The following POLE variants were observed in gnomAD, a reference collection of about 807,000 sequenced individuals.
POLE encodes the protein DNA polymerase epsilon, catalytic subunit, also known as DNA polymerase epsilon catalytic subunit A.
A neutral mutation model predicts 279.2 loss-of-function variants in POLE; 188 were observed. The observed-to-expected ratio is 0.67, with a 90% CI of 0.60 to 0.76. The LOEUF (loss-of-function observed/expected upper bound fraction) is 0.76, where lower values mean the gene tolerates loss of function less well. Ranked by LOEUF, POLE falls within the 30% of genes least tolerant of loss-of-function variation. The pLI is 0.00. For synonymous variants in POLE, 1,214 were observed against 1,172.5 expected, an observed-to-expected ratio of 1.04 and a Z score of -0.72; for missense variants, 2,703 against 3,016.7, an observed-to-expected ratio of 0.90 and a Z score of 2.44.
intron 26 of POLE, 117 bp downstream of exon 26, chr12:132,659,176 CAG>C: frequency 9.7e-7 from 1 of 1,036,106 alleles, no homozygotes; most frequent in Non-Finnish European, 1.4e-6. Flanking sequence ...CTCTCCGTGA[CAG>C]GGCAGCCCTC....
At position 132,634,220 on chromosome 12, in the gene POLE, G is replaced by A. The variant is rs780933064; in HGVS notation, c.5970C>T (p.Ala1990=). Residue 1990 remains alanine, a synonymous_variant, in exon 43 of 49, where the codon GCC becomes GCT. Coordinates refer to ENST00000320574, the MANE Select transcript of POLE (RefSeq NM_006231.4). The surrounding 1 kb of genome is among the most constrained non-coding windows in gnomAD (Gnocchi z 4.0). ...TCATGAGGAAGTAGTTCTGGCAGGA[G>A]GCTGCCTGTGGCAAAAACTGCAAAA... The part of the protein sequence containing the change: ...WNILQFLPQA[A]SCQNYFLMIV... 2.5e-6 allele frequency: 4 copies of A among 1,614,004 alleles called. No individual in the cohort carries two copies. In the South Asian group the frequency reaches 4.4e-5, roughly 18 times the overall value.
intron 41 of POLE, among the ~76,000 whole-genome samples, chr12:132,636,941 G>A (rs772733782): frequency 1.6e-4 from 25 of 152,178 alleles, no homozygotes; most frequent in Non-Finnish European, 3.4e-4. Flanking sequence ...CCTGTTTCTC[G>A]ACATGAGCAA....
rs5744973 is a variant in POLE at position 132,638,010 on chromosome 12, G to A, written c.5678+4C>T. 4,143 of 1,613,188 alleles carry A rather than the reference G, an allele frequency of 2.6e-3. 104 individuals carry two copies. In the African/African-American group the frequency reaches 0.045, roughly 18 times the overall value. On this transcript the variant is annotated splice_donor_region_variant and intron_variant, in intron 41 of 48. Transcript: ENST00000320574. ...GCTGCGTCACCAGGACCAGCCAGCCGCACCTGCTGGTGATGTACTCCACGT... is the reference window on the plus strand; with the variant it reads ...GCTGCGTCACCAGGACCAGCCAGCCACACCTGCTGGTGATGTACTCCACGT...
rs115499060 is a variant in POLE, at chr12:132,645,648, A to G, written c.4150-1671T>C. 5.9e-3 allele frequency among the ~76,000 whole-genome samples: 895 copies of G among 152,348 alleles called. 6 individuals are homozygous for G. The highest frequency in any genetic ancestry group is 0.021 in the African/African-American group (857 of 41,574). On this transcript the variant is annotated intron_variant, in intron 32 of 48. Coordinates refer to ENST00000320574, the MANE Select transcript of POLE (RefSeq NM_006231.4). ...CGCTAAAGGATTTTTAAAAATACCCAAAGTCTCAAATATGTAAAATGTCCA... is the reference window on the plus strand; with the variant it reads ...CGCTAAAGGATTTTTAAAAATACCCGAAGTCTCAAATATGTAAAATGTCCA...
chr12:132,661,373 C>T lies in POLE; in HGVS notation c.2864+154G>A, dbSNP rs544052767. Among the ~76,000 whole-genome samples the T allele has an allele frequency of 6.6e-6, 1 of 152,180 alleles. No homozygotes were observed. Among genetic ancestry groups the T allele is most frequent in the Non-Finnish European group, 1.5e-5 (1 of 68,034 alleles). On this transcript the variant is annotated intron_variant, in intron 24 of 48. Coordinates refer to ENST00000320574, the MANE Select transcript of POLE (RefSeq NM_006231.4). The surrounding 1 kb of genome is among the most constrained non-coding windows in gnomAD (Gnocchi z 4.1). ...AGCCACAGAGCCAGAATACAGCAGG[C>T]GGGCAGACAGAGCTGGTGCAAACGG...
At position 132,682,297 on chromosome 12, in the gene POLE, A is replaced by T. The variant is rs1183980367; in HGVS notation, c.63-1018T>A. On this transcript the variant is annotated intron_variant, in intron 1 of 48. Coordinates refer to ENST00000320574, the MANE Select transcript of POLE (RefSeq NM_006231.4). ...CAGCAGAGCGAGACTCCGGCAAAAA[A>T]AAAAAAATAAATAAAAATAAATAAA... 2.2e-3 allele frequency among the ~76,000 whole-genome samples: 160 copies of T among 74,234 alleles called. 2 individuals are homozygous for T. The highest frequency in any genetic ancestry group is 5.1e-3 in the African/African-American group (144 of 27,978). 48.7% of individuals were successfully genotyped at this position (74,234 alleles called of 152,430 possible).
chr12:132,647,457 A>G (rs1421068738), intron 32 of POLE, among the ~76,000 whole-genome samples: 1 of 152,176 alleles, frequency 6.6e-6, no homozygotes, highest in East Asian at 1.9e-4. Context: ...TTAAAAAAAA[A>G]AAAAGCGTAT....
intron 1 of POLE, among the ~76,000 whole-genome samples, chr12:132,684,089 A>C (rs1411115705): frequency 1.8e-5 from 2 of 113,826 alleles, no homozygotes; most frequent in Non-Finnish European, 3.5e-5. Flanking sequence ...GCTCTCATTC[A>C]CAGAGAGCTA....
At position 132,637,998 on chromosome 12, in the gene POLE, G is replaced by A. The variant is rs2138499566; in HGVS notation, c.5678+16C>T. The A allele has an allele frequency of 6.2e-7, 1 of 1,613,128 alleles. No homozygotes were observed. Among genetic ancestry groups the A allele is most frequent in the East Asian group, 2.2e-5 (1 of 44,834 alleles). ...CAAAGCCACAGTGCTGCGTCACCAGGACCAGCCAGCCGCACCTGCTGGTGA... is the reference window on the plus strand; with the variant it reads ...CAAAGCCACAGTGCTGCGTCACCAGAACCAGCCAGCCGCACCTGCTGGTGA... On this transcript the variant is annotated intron_variant, in intron 41 of 48. Transcript: ENST00000320574.
At chr12:132,628,319 G>A (rs1329491461) in intron 45 of POLE, among the ~76,000 whole-genome samples, 3 of 151,592 alleles carry the variant, frequency 2.0e-5, no homozygotes, top group East Asian at 2.0e-4. Context: ...CAGCCTGGGC[G>A]AGAGTGCGAG....
At chr12:132,641,242 T>C (rs966408550) in intron 39 of POLE, 9 of 373,468 alleles carry the variant, frequency 2.4e-5, no homozygotes, top group African/African-American at 1.9e-4. Flanking sequence ...CTCCGCAGAC[T>C]GATGGCTCCT....
intron 27 of POLE, 106 bp from the exon 28 acceptor site, chr12:132,657,535 T>G (rs1406059166): frequency 2.2e-6 from 2 of 924,034 alleles, no homozygotes; most frequent in African/African-American, 3.3e-5. Flanking sequence ...TATTTAATCC[T>G]CTCAGAAACT....
chr12:132,673,850 G>C, intron 12 of POLE, 143 bp from the exon 13 acceptor site: 1 of 839,948 alleles, frequency 1.2e-6, no homozygotes, highest in Non-Finnish European at 1.9e-6. Flanking sequence ...GCCCCACATG[G>C]TGTAGACACC....
At chr12:132,628,056 C>CT (rs2138439700) in intron 45 of POLE, among the ~76,000 whole-genome samples, 1 of 152,348 alleles carries the variant, frequency 6.6e-6, no homozygotes, top group Admixed American at 6.5e-5. Context: ...CAAGAAACTA[C>CT]TTTTTGGCCA....
intron 41 of POLE, among the ~76,000 whole-genome samples, chr12:132,636,991 C>G (rs1390944235): frequency 6.6e-6 from 1 of 152,212 alleles, no homozygotes; most frequent in Admixed American, 6.5e-5. Flanking sequence ...TGGAGCTGCC[C>G]ATGGCCAACG....
rs1158250265 is a variant in POLE at position 132,661,722 on chromosome 12, T to C, written c.2707-38A>G. On this transcript the variant is annotated intron_variant, in intron 23 of 48. Coordinates refer to ENST00000320574, the MANE Select transcript of POLE (RefSeq NM_006231.4). This position sits in a 1 kb window ranked among gnomAD's most constrained non-coding sequence, Gnocchi z 4.1. ...AGTGAAGAGGGGGCAGCTTCACTCATGATGGCCCAAACCTGGAAACCACCT... is the reference window on the plus strand; with the variant it reads ...AGTGAAGAGGGGGCAGCTTCACTCACGATGGCCCAAACCTGGAAACCACCT... 2.5e-6 allele frequency: 4 copies of C among 1,606,490 alleles called. No homozygotes were observed. The highest frequency in any genetic ancestry group is 3.4e-6 in the Non-Finnish European group (4 of 1,175,864).
chr12:132,680,138 C>T (rs1420628592), intron 4 of POLE, 40 bp downstream of exon 4: 1 of 1,604,080 alleles, frequency 6.2e-7, no homozygotes, highest in Non-Finnish European at 8.5e-7. Flanking sequence ...CACAGAATGA[C>T]ACACAGGTCG....
chr12:132,654,502 T>C (rs570231769), intron 29 of POLE, among the ~76,000 whole-genome samples: 1 of 152,348 alleles, frequency 6.6e-6, no homozygotes, highest in Non-Finnish European at 1.5e-5. Context: ...TAGCAGAAAA[T>C]GGGAATCCTT....
chr12:132,626,240 G>A lies in POLE; in HGVS notation c.6408C>T (p.Gly2136=), dbSNP rs1057524549. 1.7e-5 allele frequency: 27 copies of A among 1,613,834 alleles called. No homozygotes were observed. The highest frequency in any genetic ancestry group is 4.5e-5 in the East Asian group (2 of 44,874). ...GGAACTGGGCCTCCTCGGAGAACTCGCCGACATCCACCAGGCGAAGCAGGT... is the reference window on the plus strand; with the variant it reads ...GGAACTGGGCCTCCTCGGAGAACTCACCGACATCCACCAGGCGAAGCAGGT... ...NRDLLRLVDV[G]EFSEEAQFRD... The change falls in exon 46 of 49, where the codon GGC becomes GGT. Residue 2136 remains glycine, a synonymous_variant. Coordinates refer to ENST00000320574, the MANE Select transcript of POLE (RefSeq NM_006231.4).
Sources: gnomAD v4.1 joint callset for allele counts (sites outside exome capture counted in the v4.1 genomes callset) on GRCh38, gnomAD v4.1.1 for gene constraint, Gnocchi (gnomAD v3.1) non-coding constraint, MANE v1.5 for transcripts, NCBI Gene and HGNC (gene_info 2026-07-23, HGNC 2026-07-21) for gene names.